Variants in ATP6V1D observed in about 807,000 individuals in gnomAD.
ATP6V1D encodes ATPase H+ transporting V1 subunit D.
A neutral mutation model predicts 39.4 loss-of-function variants in ATP6V1D; 20 were observed. The ratio of observed to expected loss-of-function variants is 0.51; its 90% CI spans 0.36 to 0.74. The LOEUF is 0.74. ATP6V1D is among the 30% of genes least tolerant of loss of function. ATP6V1D has a pLI of 0.00. For missense variants in ATP6V1D, 228 were observed against 291.6 expected (o/e 0.78, Z 1.59); for synonymous variants, 100 against 100.5 (o/e 0.99, Z 0.03).
At chr14:67,351,439 T>C (rs542619413) in intron 2 of ATP6V1D, among the ~76,000 whole-genome samples, 1 of 152,352 alleles carries the variant, frequency 6.6e-6, no homozygotes, top group Non-Finnish European at 1.5e-5. Flanking sequence ...CTAAGCCTTA[T>C]ATGTAACTCA....
chr14:67,354,465 CT>C (rs1308653572), intron 1 of ATP6V1D, among the ~76,000 whole-genome samples: 4 of 152,018 alleles, frequency 2.6e-5, no homozygotes, highest in African/African-American at 9.7e-5. Flanking sequence ...GGAATTTATC[CT>C]ACAAATTTAT....
intron 3 of ATP6V1D, among the ~76,000 whole-genome samples, chr14:67,349,347 A>C (rs2085642181): frequency 1.3e-5 from 2 of 152,234 alleles, no homozygotes; most frequent in Admixed American, 1.3e-4. Context: ...AATGATTTTA[A>C]AGTTCGTGGA....
Position 67,359,766 on chromosome 14 carries a change from C to T in ATP6V1D, c.-68G>A. 6.3e-7 allele frequency: 1 copy of T among 1,578,562 alleles called. No homozygotes were observed. Among genetic ancestry groups the T allele is most frequent in the Non-Finnish European group, 8.7e-7 (1 of 1,150,898 alleles). ...GAGGCTGCAATAGCTCCAGAACTGGCCTCCACAGTGTCTTCCTCTACGGGA... is the reference window on the plus strand; with the variant it reads ...GAGGCTGCAATAGCTCCAGAACTGGTCTCCACAGTGTCTTCCTCTACGGGA... On this transcript the variant is annotated 5_prime_UTR_variant, in exon 1 of 9. Coordinates refer to ENST00000216442, the MANE Select transcript of ATP6V1D (RefSeq NM_015994.4).
chr14:67,349,852 A>G (rs2085644702), intron 3 of ATP6V1D, among the ~76,000 whole-genome samples: 1 of 152,242 alleles, frequency 6.6e-6, no homozygotes, highest in Admixed American at 6.5e-5. Context: ...CAAAAATGAA[A>G]GCCTACCACT....
intron 6 of ATP6V1D, among the ~76,000 whole-genome samples, chr14:67,344,338 C>T (rs1412271019): frequency 6.6e-6 from 1 of 152,184 alleles, no homozygotes; most frequent in Non-Finnish European, 1.5e-5. Flanking sequence ...TCACATTTGG[C>T]TTTCAATAAA....
intron 4 of ATP6V1D, 187 bp downstream of exon 4, chr14:67,348,850 T>C (rs1566600411): frequency 4.9e-6 from 3 of 607,574 alleles, no homozygotes; most frequent in Non-Finnish European, 8.4e-6. Flanking sequence ...TTCACTTCTA[T>C]ACAAAAGTCA....
intron 7 of ATP6V1D, among the ~76,000 whole-genome samples, chr14:67,342,012 T>G (rs2085588213): frequency 6.6e-6 from 1 of 151,376 alleles, no homozygotes; most frequent in African/African-American, 2.4e-5. Context: ...TCATCACCAC[T>G]CCCTAATCTC....
intron 1 of ATP6V1D, among the ~76,000 whole-genome samples, chr14:67,355,176 G>T (rs2085677444): frequency 6.6e-6 from 1 of 151,902 alleles, no homozygotes; most frequent in Non-Finnish European, 1.5e-5. Flanking sequence ...AACATGTTTT[G>T]ATATCATCAA....
chr14:67,342,713 T>C (rs1320868187), intron 7 of ATP6V1D, among the ~76,000 whole-genome samples: 1 of 150,780 alleles, frequency 6.6e-6, no homozygotes, highest in Non-Finnish European at 1.5e-5. Flanking sequence ...TCTAACAATA[T>C]AGTTAATATA....
intron 7 of ATP6V1D, among the ~76,000 whole-genome samples, chr14:67,341,496 C>T (rs1457329932): frequency 4.0e-5 from 6 of 151,590 alleles, no homozygotes; most frequent in Non-Finnish European, 5.9e-5. Flanking sequence ...CCAGCCGCCC[C>T]GTCCGGGAGG....
At position 67,340,449 on chromosome 14, in the gene ATP6V1D, T is replaced by A; in HGVS notation, c.593A>T (p.Glu198Val). 1 of 1,613,704 alleles carries A rather than the reference T, an allele frequency of 6.2e-7. No individual in the cohort carries two copies. Among genetic ancestry groups the A allele is most frequent in the Non-Finnish European group, 8.5e-7 (1 of 1,179,708 alleles). Reference sequence around the variant, plus strand: ...GCCAATTTCAACAAACCTATAGAACTCTTCTCGCTCTCTCTCATCCAGCTC... The same window carrying A: ...GCCAATTTCAACAAACCTATAGAACACTTCTCGCTCTCTCTCATCCAGCTC... The part of the protein sequence containing the change: ...ITELDERERE[E>V]FYRLKKIQEK... The change falls in exon 8 of 9, where the codon GAG becomes GTG. Residue 198 changes from glutamate (E) to valine (V), a missense_variant. Around this residue, in one of 3 missense-constraint regions of ATP6V1D, gnomAD observed 114 missense variants for 128.3 expected, o/e 0.89. Transcript: ENST00000216442.
intron 2 of ATP6V1D, 71 bp downstream of exon 2, chr14:67,352,850 CAA>C (rs10718799): frequency 0.053 from 35,575 of 672,276 alleles, 373 homozygotes; most frequent in Non-Finnish European, 0.062. Flanking sequence ...ATAACAACAA[CAA>C]AAAAAAAAAT....
At position 67,350,228 on chromosome 14, in the gene ATP6V1D, ATGT is replaced by A. The variant is rs2085647216; in HGVS notation, c.239+380_239+382del. On this transcript the variant is annotated intron_variant, in intron 3 of 8. Coordinates refer to ENST00000216442, the MANE Select transcript of ATP6V1D (RefSeq NM_015994.4). ...TAATTCAGTAGAAACAAAAATACAT[ATGT>A]GTAAAAATGTTCACTGCACTTTCCC... 3.3e-5 allele frequency among the ~76,000 whole-genome samples: 5 copies of A among 152,192 alleles called. No homozygotes were observed. The South Asian group carries it at 1.0e-3, about 32-fold the overall frequency.
chr14:67,353,501 T>C (rs936755962), intron 1 of ATP6V1D, among the ~76,000 whole-genome samples: 2 of 152,042 alleles, frequency 1.3e-5, no homozygotes, highest in African/African-American at 2.4e-5. Context: ...GTTGTTGTTG[T>C]TTTTGAGATG....
Position 67,347,457 on chromosome 14 carries a change from T to C in ATP6V1D, c.308-4A>G, listed in dbSNP as rs1169244759. On this transcript the variant is annotated splice_polypyrimidine_tract_variant and splice_region_variant and intron_variant, in intron 4 of 8. Coordinates refer to ENST00000216442, the MANE Select transcript of ATP6V1D (RefSeq NM_015994.4). Reference sequence around the variant, plus strand: ...TCAAATACTGGCAAAGTAACACCTGTTAAACACAGAAGCATACATGGATTC... The same window carrying C: ...TCAAATACTGGCAAAGTAACACCTGCTAAACACAGAAGCATACATGGATTC... The C allele has an allele frequency of 6.2e-7, 1 of 1,605,464 alleles. No homozygotes were observed. The highest frequency in any genetic ancestry group is 1.7e-5 in the Admixed American group (1 of 59,706).
intron 3 of ATP6V1D, among the ~76,000 whole-genome samples, chr14:67,349,562 C>CGAT (rs1417400488): frequency 6.6e-6 from 1 of 152,090 alleles, no homozygotes; most frequent in Non-Finnish European, 1.5e-5. Context: ...TGGCAGGGTG[C>CGAT]GATAGCTCAC....
At chr14:67,342,734 CAT>C (rs1458768372) in intron 7 of ATP6V1D, among the ~76,000 whole-genome samples, 6 of 150,574 alleles carry the variant, frequency 4.0e-5, no homozygotes, top group African/African-American at 1.2e-4. Context: ...TCATATTATA[CAT>C]AGTTAATATA....
At chr14:67,349,206 G>A in intron 3 of ATP6V1D, 102 bp from the exon 4 acceptor site, 5 of 1,118,254 alleles carry the variant, frequency 4.5e-6, no homozygotes, top group Admixed American at 2.4e-5. Flanking sequence ...AGAGTGAGAT[G>A]TCACAATTAA....
chr14:67,341,530 G>A (rs1277219494), intron 7 of ATP6V1D, among the ~76,000 whole-genome samples: 14 of 148,506 alleles, frequency 9.4e-5, no homozygotes, highest in East Asian at 8.1e-4. Flanking sequence ...TCAGCCCCCC[G>A]CCTGGCCAGC....
Sources: allele counts gnomAD v4.1 joint callset (sites outside exome capture counted in the v4.1 genomes callset), GRCh38; gene constraint gnomAD v4.1.1; regional missense constraint gnomAD v4.1.1; transcripts MANE v1.5; gene names NCBI Gene and HGNC (gene_info 2026-07-23, HGNC 2026-07-21).